FMO3: variants seen among roughly 807,000 people sequenced by gnomAD.
FMO3 encodes the protein flavin-containing monooxygenase 3.
A neutral mutation model predicts 39.4 loss-of-function variants in FMO3; 40 were observed. The ratio of observed to expected loss-of-function variants is 1.02; its 90% CI spans 0.79 to 1.32. The LOEUF (loss-of-function observed/expected upper bound fraction) is 1.32. Among genes scored for constraint, FMO3 ranks in the 40% most tolerant of loss-of-function variants. The pLI is 0.00. For missense variants in FMO3, 680 were observed against 651.8 expected (o/e 1.04, Z -0.47); for synonymous variants, 219 against 228.8 (o/e 0.96, Z 0.39).
intron 5 of FMO3, among the ~76,000 whole-genome samples, chr1:171,108,641 A>C (rs10797894): frequency 0.22 from 33,185 of 152,044 alleles, 3,790 homozygotes; most frequent in South Asian, 0.28. Context: ...AACAAGACTT[A>C]AGCAATACAG....
Position 171,092,794 on chromosome 1 carries a change from A to C in FMO3, c.132+4A>C. On this transcript the variant is annotated splice_donor_region_variant and intron_variant, in intron 2 of 8. Coordinates refer to ENST00000367755, the MANE Select transcript of FMO3 (RefSeq NM_001002294.3). ...TGGGGGCCTGTGGAAATTTTCAGTG[A>C]GTAGCATGTTGTTGTAATAGACAGG... The C allele has an allele frequency of 6.2e-7, 1 of 1,613,810 alleles. No homozygotes were observed. The highest frequency in any genetic ancestry group is 8.5e-7 in the Non-Finnish European group (1 of 1,179,918).
chr1:171,108,481 A>T (rs78568999), intron 5 of FMO3, among the ~76,000 whole-genome samples: 2 of 152,274 alleles, frequency 1.3e-5, no homozygotes, highest in East Asian at 3.9e-4. Context: ...ATCTCGGATC[A>T]ATTTCTCTAA....
chr1:171,092,722 C>A lies in FMO3; in HGVS notation c.64C>A (p.Leu22Met). 1 of 1,614,068 alleles carries A rather than the reference C, an allele frequency of 6.2e-7. No homozygotes were observed. The highest frequency in any genetic ancestry group is 8.5e-7 in the Non-Finnish European group (1 of 1,179,978). The change falls in exon 2 of 9, where the codon CTG becomes ATG. Residue 22 changes from leucine to methionine, a missense_variant. Transcript: ENST00000367755. The stretch of plus-strand genomic sequence containing the variant: ...TGGCTTGGCCTCCATCAGGAGCTGT[C>A]TGGAAGAGGGGCTGGAGCCCACCTG... ...VSGLASIRSC[L>M]EEGLEPTCFE...
chr1:171,103,295 T>C (rs1489146939), intron 2 of FMO3, among the ~76,000 whole-genome samples: 1 of 152,206 alleles, frequency 6.6e-6, no homozygotes, highest in Non-Finnish European at 1.5e-5. Flanking sequence ...TATTCTTCCA[T>C]ATCCTAAGTT....
intron 2 of FMO3, among the ~76,000 whole-genome samples, chr1:171,093,558 T>C (rs1246611201): frequency 1.3e-5 from 2 of 152,070 alleles, no homozygotes; most frequent in Non-Finnish European, 2.9e-5. Context: ...TATGTATGTA[T>C]ATACCACATT....
At chr1:171,092,238 G>T (rs550983287) in intron 1 of FMO3, among the ~76,000 whole-genome samples, 1 of 152,098 alleles carries the variant, frequency 6.6e-6, no homozygotes, top group Admixed American at 6.5e-5. Context: ...TTGTTTTCTA[G>T]AGACAAGGTC....
At chr1:171,109,018 G>A (rs1655777848) in intron 5 of FMO3, among the ~76,000 whole-genome samples, 1 of 152,128 alleles carries the variant, frequency 6.6e-6, no homozygotes. Context: ...ACTATTGTAG[G>A]TTATAGTTTC....
chr1:171,106,846 A>G (rs921507806), intron 3 of FMO3, among the ~76,000 whole-genome samples: 2 of 152,194 alleles, frequency 1.3e-5, no homozygotes, highest in African/African-American at 4.8e-5. Context: ...TCCAAAAAAA[A>G]GTTGCCATAT....
intron 2 of FMO3, among the ~76,000 whole-genome samples, chr1:171,096,062 TA>T (rs1164758281): frequency 1.9e-5 from 1 of 53,038 alleles, no homozygotes; most frequent in Non-Finnish European, 2.7e-5. Context: ...ATATAATATA[TA>T]TTATATATTA....
At chr1:171,100,838 T>C (rs1211673501) in intron 2 of FMO3, 1 of 269,024 alleles carries the variant, frequency 3.7e-6, no homozygotes, top group Admixed American at 4.4e-5. Flanking sequence ...TCCTGGAACC[T>C]GTAAATGTTA....
chr1:171,096,298 T>C (rs1197190680), intron 2 of FMO3, among the ~76,000 whole-genome samples: 1 of 95,360 alleles, frequency 1.0e-5, no homozygotes, highest in Non-Finnish European at 1.8e-5. Flanking sequence ...ATATCTATTA[T>C]ATATCATATA....
intron 8 of FMO3, among the ~76,000 whole-genome samples, chr1:171,116,738 G>A (rs1488328495): frequency 1.3e-5 from 2 of 152,188 alleles, no homozygotes; most frequent in African/African-American, 2.4e-5. Flanking sequence ...TCCATTTCTA[G>A]TTGTCACTAA....
At chr1:171,101,173 G>A (rs761047052) in intron 2 of FMO3, 10 of 456,104 alleles carry the variant, frequency 2.2e-5, no homozygotes, top group Non-Finnish European at 4.0e-5. Flanking sequence ...GGCAAGGAAT[G>A]GATTCTCTCC....
At chr1:171,108,006 A>G (rs1655725420) in intron 4 of FMO3, 73 bp from the exon 5 acceptor site, 1 of 1,527,614 alleles carries the variant, frequency 6.5e-7, no homozygotes, top group African/African-American at 1.4e-5. Context: ...ATCTATTCAC[A>G]AGGTCGCTTC....
At chr1:171,101,354 A>T (rs1655383993) in intron 2 of FMO3, 6 of 391,732 alleles carry the variant, frequency 1.5e-5, no homozygotes, top group South Asian at 5.7e-5. Flanking sequence ...TTGGTTTTTC[A>T]GCGTTTCCTA....
At chr1:171,096,196 T>C (rs1391214466) in intron 2 of FMO3, among the ~76,000 whole-genome samples, 1 of 88,634 alleles carries the variant, frequency 1.1e-5, no homozygotes, top group Non-Finnish European at 1.9e-5. Context: ...AATATATATT[T>C]ATATCAATAT....
At chr1:171,107,943 T>C (rs1655722906) in intron 4 of FMO3, 106 bp downstream of exon 4, 2 of 1,356,936 alleles carry the variant, frequency 1.5e-6, no homozygotes, top group African/African-American at 2.9e-5. Flanking sequence ...AAAATATACT[T>C]CTGTTATATC....
At chr1:171,092,609 T>C (rs774731400) in intron 1 of FMO3, 44 bp from the exon 2 acceptor site, 3 of 1,605,876 alleles carry the variant, frequency 1.9e-6, no homozygotes, top group South Asian at 1.1e-5. Flanking sequence ...AAATACATTT[T>C]CAGCAATGTT....
intron 2 of FMO3, among the ~76,000 whole-genome samples, chr1:171,096,671 TTTTATATTTAAAATATAATTA>T (rs1557934577): frequency 4.7e-4 from 62 of 133,024 alleles, no homozygotes; most frequent in Middle Eastern, 3.8e-3. Context: ...AAAATATATA[TTTTATATTTAAAATATAATTA>T]ATATAATTAT....
Sources: gnomAD v4.1 joint callset for allele counts (sites outside exome capture counted in the v4.1 genomes callset) on GRCh38, gnomAD v4.1.1 for gene constraint, MANE v1.5 for transcripts, NCBI Gene and HGNC (gene_info 2026-07-23, HGNC 2026-07-21) for gene names.